Variants in FHIT observed in about 807,000 individuals in gnomAD.
FHIT encodes the protein fragile histidine triad diadenosine triphosphatase.
Under a neutral mutation model 17.9 loss-of-function variants are expected in FHIT, and 19 were observed. The ratio of observed to expected loss-of-function variants is 1.06; its 90% confidence interval spans 0.74 to 1.56. The LOEUF (loss-of-function observed/expected upper bound fraction) is 1.56, where lower values mean the gene tolerates loss of function less well. Among genes scored for constraint, FHIT ranks in the 40% most tolerant of loss-of-function variants. The pLI is 0.00. For synonymous variants in FHIT, 81 were observed against 69.7 expected (o/e 1.16, Z -0.81); for missense variants, 248 against 189.2 (o/e 1.31, Z -1.82).
chr3:61,212,893 T>C lies in FHIT; in HGVS notation c.-212-12228A>G, dbSNP rs372063824. ...AGAATTTTCAACCCAGCATTTCATA[T>C]CCAGCCAAACTAAGCTTCATAAGTG... is the stretch of plus-strand genomic sequence containing the variant. On this transcript the variant is annotated intron_variant, in intron 1 of 9. Coordinates refer to ENST00000492590, the MANE Select transcript of FHIT (RefSeq NM_002012.4). Among the ~76,000 whole-genome samples, 266 of 152,314 alleles carry C rather than the reference T, an allele frequency of 1.7e-3. 3 individuals are homozygous for C. In the Middle Eastern group the frequency reaches 0.024, roughly 14 times the overall value.
At chr3:61,112,960 A>C (rs1309235582) in intron 2 of FHIT, among the ~76,000 whole-genome samples, 2 of 151,076 alleles carry the variant, frequency 1.3e-5, no homozygotes, top group African/African-American at 2.4e-5. Context: ...CTGTGTTTAG[A>C]TGTCTTCATT....
intron 4 of FHIT, among the ~76,000 whole-genome samples, chr3:60,702,847 G>A (rs1310738869): frequency 2.0e-5 from 3 of 152,010 alleles, no homozygotes; most frequent in African/African-American, 7.2e-5. Context: ...TTGATTATAG[G>A]TCTTTATAAA....
chr3:60,176,443 T>A (rs908171850), intron 5 of FHIT, among the ~76,000 whole-genome samples: 7 of 152,128 alleles, frequency 4.6e-5, no homozygotes, highest in Non-Finnish European at 4.4e-5. Context: ...AATATAGAAA[T>A]ACTCTCTAGC....
At chr3:60,422,934 T>G (rs1056012013) in intron 5 of FHIT, among the ~76,000 whole-genome samples, 4 of 152,132 alleles carry the variant, frequency 2.6e-5, no homozygotes, top group African/African-American at 9.7e-5. Context: ...CCCTCTTCAC[T>G]CTCCTGAGAT....
intron 4 of FHIT, among the ~76,000 whole-genome samples, chr3:60,560,861 T>A (rs184824063): frequency 1.3e-4 from 15 of 115,252 alleles, no homozygotes; most frequent in South Asian, 1.3e-3. Context: ...AGAGAGAGTG[T>A]GTGTGTGTGT....
chr3:61,212,370 G>C (rs896133054), intron 1 of FHIT, among the ~76,000 whole-genome samples: 3 of 152,206 alleles, frequency 2.0e-5, no homozygotes, highest in African/African-American at 4.8e-5. Context: ...AGCCTCAGGA[G>C]CCGATGCGAT....
intron 3 of FHIT, among the ~76,000 whole-genome samples, chr3:60,986,179 G>T (rs1250999329): frequency 6.6e-6 from 1 of 152,156 alleles, no homozygotes; most frequent in Non-Finnish European, 1.5e-5. Flanking sequence ...TTAGGATGTG[G>T]ACAACTTTGA....
intron 5 of FHIT, among the ~76,000 whole-genome samples, chr3:60,324,571 C>CAGGAAA (rs1553744287): frequency 7.9e-5 from 2 of 25,414 alleles, no homozygotes; most frequent in African/African-American, 2.6e-4. Flanking sequence ...GAGACTCCAT[C>CAGGAAA]AGAAAAAAAA....
At chr3:60,439,747 A>G (rs2030624667) in intron 5 of FHIT, among the ~76,000 whole-genome samples, 1 of 152,118 alleles carries the variant, frequency 6.6e-6, no homozygotes, top group Admixed American at 6.6e-5. Context: ...AGGCTCCTCA[A>G]AGAGCAGAAG....
chr3:60,092,577 T>A (rs1703777921), intron 5 of FHIT, among the ~76,000 whole-genome samples: 1 of 152,170 alleles, frequency 6.6e-6, no homozygotes, highest in Non-Finnish European at 1.5e-5. Context: ...ATTTCACACA[T>A]ATATCTCAGA....
At chr3:60,563,736 A>G (rs2037036081) in intron 4 of FHIT, among the ~76,000 whole-genome samples, 1 of 152,328 alleles carries the variant, frequency 6.6e-6, no homozygotes, top group African/African-American at 2.4e-5. Flanking sequence ...AACTCTCTCC[A>G]ATTGTATGAA....
chr3:60,394,972 T>A (rs1469154367), intron 5 of FHIT, among the ~76,000 whole-genome samples: 1 of 152,182 alleles, frequency 6.6e-6, no homozygotes. Flanking sequence ...TATACAGAAG[T>A]ATTTAAAGAT....
intron 7 of FHIT, among the ~76,000 whole-genome samples, chr3:59,994,920 C>T (rs1000718855): frequency 4.6e-5 from 7 of 152,124 alleles, no homozygotes; most frequent in Non-Finnish European, 1.0e-4. Flanking sequence ...GTCTGCACAA[C>T]AGATGGCAGA....
intron 5 of FHIT, among the ~76,000 whole-genome samples, chr3:60,233,929 T>C (rs1054561519): frequency 6.6e-6 from 1 of 152,164 alleles, no homozygotes; most frequent in East Asian, 1.9e-4. Flanking sequence ...CCCAACCACG[T>C]GGAACTGTGA....
At chr3:60,811,327 C>T (rs953618558) in intron 4 of FHIT, among the ~76,000 whole-genome samples, 2 of 152,138 alleles carry the variant, frequency 1.3e-5, no homozygotes, top group African/African-American at 4.8e-5. Context: ...GGTGTTATTA[C>T]ACCTGTTTTT....
intron 4 of FHIT, among the ~76,000 whole-genome samples, chr3:60,705,114 A>C (rs1320208715): frequency 6.6e-6 from 1 of 152,104 alleles, no homozygotes; most frequent in African/African-American, 2.4e-5. Flanking sequence ...AACATAGGAG[A>C]AACCACAGAG....
At chr3:59,984,436 G>A (rs1325932979) in intron 7 of FHIT, among the ~76,000 whole-genome samples, 1 of 152,020 alleles carries the variant, frequency 6.6e-6, no homozygotes, top group Admixed American at 6.6e-5. Context: ...GCTACCCTCT[G>A]AGTTTTCGCA....
At chr3:60,824,513 CAAAT>C (rs1318623868) in intron 3 of FHIT, among the ~76,000 whole-genome samples, 1 of 152,020 alleles carries the variant, frequency 6.6e-6, no homozygotes, top group African/African-American at 2.4e-5. Context: ...AAAAGGTAAA[CAAAT>C]AAATATTTTT....
intron 5 of FHIT, among the ~76,000 whole-genome samples, chr3:60,200,884 C>G (rs943924039): frequency 6.6e-6 from 1 of 152,118 alleles, no homozygotes; most frequent in Non-Finnish European, 1.5e-5. Flanking sequence ...TTTCTTTACT[C>G]CTTTGTTCAA....
Sources: gnomAD v4.1 joint callset for allele counts (sites outside exome capture counted in the v4.1 genomes callset) on GRCh38, gnomAD v4.1.1 for gene constraint, MANE v1.5 for transcripts, NCBI Gene and HGNC (gene_info 2026-07-23, HGNC 2026-07-21) for gene names.